The following PCDHGB6 variants were observed in gnomAD, a reference collection of about 807,000 sequenced individuals.
PCDHGB6 encodes the protein protocadherin gamma subfamily B, 6, also known as protocadherin gamma-B6.
Under a neutral mutation model 59.1 loss-of-function variants are expected in PCDHGB6, and 51 were observed. That is an observed-to-expected ratio of 0.86 (90% CI 0.69 to 1.09). PCDHGB6 has a LOEUF of 1.09. Among genes scored for constraint, PCDHGB6 ranks in the 50% least tolerant of loss-of-function variants. The probability of loss-of-function intolerance (pLI) is 0.00; values close to 1 mark genes in which losing one functional copy is unlikely to be tolerated. For synonymous variants in PCDHGB6, 466 were observed against 495.1 expected, an observed-to-expected ratio of 0.94 and a Z score of 0.78; for missense variants, 1,148 against 1,205.1, an observed-to-expected ratio of 0.95 and a Z score of 0.70.
At position 141,491,960 on chromosome 5, in the gene PCDHGB6, A is replaced by T. The variant is rs1380758016; in HGVS notation, c.2419-2847A>T. The T allele has an allele frequency of 1.0e-6, 1 of 984,842 alleles. No individual in the cohort carries two copies. The highest frequency in any genetic ancestry group is 3.0e-5 in the East Asian group (1 of 33,312). 61.0% of individuals were successfully genotyped at this position (984,842 alleles called of 1,614,324 possible). A position where few individuals can be genotyped will look rare whatever the true frequency, so the allele number is the denominator to read the frequency against. On this transcript the variant is annotated intron_variant, in intron 1 of 3. Coordinates refer to ENST00000520790, the MANE Select transcript of PCDHGB6 (RefSeq NM_018926.3). The surrounding 1 kb of genome is among the most constrained non-coding windows in gnomAD (Gnocchi z 6.9). ...CGACCCCCACCCCTACACTCAAAAA[A>T]GGCCGGGGCCTCCTTCGAGCTTCCG...
intron 1 of PCDHGB6, among the ~76,000 whole-genome samples, chr5:141,425,820 C>T (rs978139996): frequency 6.6e-6 from 1 of 152,156 alleles, no homozygotes; most frequent in Admixed American, 6.5e-5. Flanking sequence ...TAGAAAAAAA[C>T]AAACTTTTAA....
In PCDHGB6 at chr5:141,432,278, A is replaced by G. The variant is rs923930127; in HGVS notation, c.2418+21658A>G. On this transcript the variant is annotated intron_variant, in intron 1 of 3. Transcript: ENST00000520790. The surrounding 1 kb of genome is among the most constrained non-coding windows in gnomAD (Gnocchi z 6.0). ...GGCAAGCCTATCGTCCTACGTGTCC[A>G]TCAACTCCGACACTGGGGTACTGTA... 3.7e-5 allele frequency: 59 copies of G among 1,614,078 alleles called. No individual in the cohort carries two copies. Among genetic ancestry groups the G allele is most frequent in the Non-Finnish European group, 4.7e-5 (55 of 1,180,036 alleles).
chr5:141,454,081 T>C (rs1009599234), intron 1 of PCDHGB6, among the ~76,000 whole-genome samples: 2 of 152,198 alleles, frequency 1.3e-5, no homozygotes, highest in African/African-American at 4.8e-5. Flanking sequence ...ATGTTTTCAG[T>C]GAAATTTGAA....
rs756330109 is a variant in PCDHGB6, at chr5:141,432,621, T to A, written c.2418+22001T>A. ...GAGCCGGGACTCTTCTCGGTGGGTC[T>A]GCACACGGGCGAGGTGCGCACGGCG... On this transcript the variant is annotated intron_variant, in intron 1 of 3. Transcript: ENST00000520790. This position sits in a 1 kb window ranked among gnomAD's most constrained non-coding sequence, Gnocchi z 6.0. The A allele has an allele frequency of 3.1e-6, 5 of 1,612,942 alleles. No homozygotes were observed. Among genetic ancestry groups the A allele is most frequent in the Admixed American group, 1.7e-5 (1 of 59,962 alleles).
intron 1 of PCDHGB6, chr5:141,478,644 T>C (rs1217932733): frequency 6.4e-7 from 1 of 1,552,238 alleles, no homozygotes. Flanking sequence ...GATGAAGATG[T>C]TTTCCTGGTG....
Position 141,422,144 on chromosome 5 carries a change from G to A in PCDHGB6, c.2418+11524G>A, listed in dbSNP as rs748208921. On this transcript the variant is annotated intron_variant, in intron 1 of 3. Transcript: ENST00000520790. Reference sequence around the variant, plus strand: ...CAAACTGGAGAAGTTCAAGTACGGGGGTCTCTGGATTTTGAAAAATATAGA... The same window carrying A: ...CAAACTGGAGAAGTTCAAGTACGGGAGTCTCTGGATTTTGAAAAATATAGA... 1.9e-6 allele frequency: 3 copies of A among 1,583,402 alleles called. No individual in the cohort carries two copies. In the African/African-American group the frequency reaches 4.1e-5, roughly 22 times the overall value.
chr5:141,410,216 C>T lies in PCDHGB6; in HGVS notation c.2014C>T (p.Leu672=). ...LVFADNLQEI[L]PDLSDRPVLS... ...CTTCGCAGACAACTTGCAAGAGATA[C>T]TGCCAGACCTCAGCGACCGCCCTGT... The change falls in exon 1 of 4, where the codon CTG becomes TTG. Residue 672 remains leucine (L), a synonymous_variant. Coordinates refer to ENST00000520790, the MANE Select transcript of PCDHGB6 (RefSeq NM_018926.3). The T allele has an allele frequency of 6.2e-7, 1 of 1,614,002 alleles. No homozygotes were observed. Among genetic ancestry groups the T allele is most frequent in the Non-Finnish European group, 8.5e-7 (1 of 1,179,876 alleles).
At position 141,432,225 on chromosome 5, in the gene PCDHGB6, A is replaced by T; in HGVS notation, c.2418+21605A>T. On this transcript the variant is annotated intron_variant, in intron 1 of 3. Transcript: ENST00000520790. This position sits in a 1 kb window ranked among gnomAD's most constrained non-coding sequence, Gnocchi z 6.0. ...TGTGAAGAGAACGCCCAGATCACTT[A>T]TTCCCTGGCTGAGAACACCATCCAA... The T allele has an allele frequency of 1.2e-6, 2 of 1,614,206 alleles. No individual in the cohort carries two copies. Among genetic ancestry groups the T allele is most frequent in the South Asian group, 2.2e-5 (2 of 91,080 alleles).
At chr5:141,434,698 A>G (rs2097710714) in intron 1 of PCDHGB6, among the ~76,000 whole-genome samples, 1 of 152,070 alleles carries the variant, frequency 6.6e-6, no homozygotes, top group South Asian at 2.1e-4. Context: ...GTTAATAAAT[A>G]TGTGGGTAAA....
chr5:141,423,762 G>GT, intron 1 of PCDHGB6: 1 of 264,254 alleles, frequency 3.8e-6, no homozygotes, highest in Non-Finnish European at 5.6e-6. Context: ...GGGGGGGGGT[G>GT]GGGCGGCATA....
In PCDHGB6 at chr5:141,409,721, G is replaced by A. The variant is rs892686024; in HGVS notation, c.1519G>A (p.Val507Met). The change falls in exon 1 of 4, where the codon GTG (valine) becomes ATG (methionine). Residue 507 changes from valine (V) to methionine (M), a missense_variant. Transcript: ENST00000520790. ...CCTGGCGGTGTCGTCATACGTGTCA[G>A]TGAGCGCGCAGAGCGGGGTGGTGTT... ...EPLAVSSYVS[V>M]SAQSGVVFAQ... The A allele has an allele frequency of 6.8e-6, 11 of 1,613,114 alleles. No homozygotes were observed. The highest frequency in any genetic ancestry group is 6.7e-5 in the East Asian group (3 of 44,892).
chr5:141,425,371 G>T (rs1396857898), intron 1 of PCDHGB6, among the ~76,000 whole-genome samples: 3 of 152,186 alleles, frequency 2.0e-5, no homozygotes, highest in African/African-American at 7.2e-5. Context: ...AGAGGGTTAT[G>T]TTGATTCGGA....
chr5:141,496,287 C>T (rs768553690), intron 2 of PCDHGB6, among the ~76,000 whole-genome samples: 3 of 152,200 alleles, frequency 2.0e-5, no homozygotes, highest in Non-Finnish European at 4.4e-5. Flanking sequence ...TTGGTCTGAG[C>T]AGAGTGGGAT....
chr5:141,408,211 G>C lies in PCDHGB6; in HGVS notation c.9G>C (p.Gly3=). 6.4e-7 allele frequency: 1 copy of C among 1,554,426 alleles called. No homozygotes were observed. Among genetic ancestry groups the C allele is most frequent in the Non-Finnish European group, 8.7e-7 (1 of 1,148,236 alleles). MG[G]SCAQRRRAGP... is the part of the protein sequence containing the mutation. ...GAGAACCCGAGCGAACGATGGGAGG[G>C]AGCTGCGCGCAGAGGCGCCGGGCCG... The change falls in exon 1 of 4, where the codon GGG becomes GGC. Residue 3 remains glycine, a synonymous_variant. Transcript: ENST00000520790.
intron 1 of PCDHGB6, among the ~76,000 whole-genome samples, chr5:141,459,561 C>T (rs912894386): frequency 2.6e-5 from 4 of 151,954 alleles, no homozygotes; most frequent in African/African-American, 7.3e-5. Context: ...GGATAAATAC[C>T]CCAAAACAGA....
intron 1 of PCDHGB6, among the ~76,000 whole-genome samples, chr5:141,483,302 C>G (rs1262756268): frequency 2.0e-5 from 3 of 152,012 alleles, no homozygotes; most frequent in Admixed American, 6.5e-5. Context: ...AGTGAAGGGA[C>G]TGGGGACATT....
chr5:141,465,800 C>T (rs1486100601), intron 1 of PCDHGB6, among the ~76,000 whole-genome samples: 1 of 151,524 alleles, frequency 6.6e-6, no homozygotes, highest in African/African-American at 2.4e-5. Flanking sequence ...TTTAAGAAAC[C>T]CTTCAGGATC....
chr5:141,482,546 A>G (rs1489817593), intron 1 of PCDHGB6, among the ~76,000 whole-genome samples: 1 of 151,868 alleles, frequency 6.6e-6, no homozygotes, highest in Non-Finnish European at 1.5e-5. Context: ...AAAAAAAAAA[A>G]AAAGATAATG....
intron 1 of PCDHGB6, chr5:141,414,424 G>C (rs762669763): frequency 1.2e-6 from 2 of 1,613,846 alleles, no homozygotes; most frequent in Non-Finnish European, 1.7e-6. Context: ...CCTTGACAGG[G>C]AACAGGTATC....
Sources: gnomAD v4.1 joint callset for allele counts (sites outside exome capture counted in the v4.1 genomes callset) on GRCh38, gnomAD v4.1.1 for gene constraint, Gnocchi (gnomAD v3.1) non-coding constraint, MANE v1.5 for transcripts, NCBI Gene and HGNC (gene_info 2026-07-23, HGNC 2026-07-21) for gene names.